KLHL15: variants seen among roughly 807,000 people sequenced by gnomAD.
KLHL15 encodes the protein kelch like family member 15, also known as kelch-like protein 15.
Under a neutral mutation model 29.3 loss-of-function variants are expected in KLHL15, and 1 was observed. The observed-to-expected ratio is 0.03, with a 90% CI of 0.01 to 0.16. KLHL15 has a LOEUF of 0.16. Among genes scored for constraint, KLHL15 ranks in the 10% least tolerant of loss-of-function variants. KLHL15 has a pLI of 1.00. For synonymous variants in KLHL15, 212 were observed against 184.5 expected, an observed-to-expected ratio of 1.15 and a Z score of -1.21; for missense variants, 215 against 478.5, an observed-to-expected ratio of 0.45 and a Z score of 5.14.
chrX:24,013,605 T>C (rs1446517374), intron 2 of KLHL15, among the ~76,000 whole-genome samples: 9 of 111,728 alleles, frequency 8.1e-5, no homozygotes, highest in Non-Finnish European at 1.7e-4. Context: ...CTTAGAATTT[T>C]CCTACATACA....
chrX:24,010,762 C>A (rs916580108), intron 2 of KLHL15, among the ~76,000 whole-genome samples: 1 of 111,314 alleles, frequency 9.0e-6, no homozygotes, highest in Admixed American at 9.6e-5. Flanking sequence ...GGACCCCGAG[C>A]CCTCCAGAGA....
intron 3 of KLHL15, among the ~76,000 whole-genome samples, chrX:24,000,637 T>C (rs1929294680): frequency 8.9e-6 from 1 of 112,369 alleles, no homozygotes; most frequent in Admixed American, 9.5e-5. Context: ...GCTGAAGTCA[T>C]TAGATATAAA....
At chrX:24,002,666 T>C (rs1929353485) in intron 3 of KLHL15, among the ~76,000 whole-genome samples, 1 of 108,511 alleles carries the variant, frequency 9.2e-6, no homozygotes, top group Non-Finnish European at 1.9e-5. Context: ...CTCACTTTTA[T>C]CGCCCAGCTG....
chrX:23,991,585 T>C (rs1198937670), intron 3 of KLHL15, among the ~76,000 whole-genome samples: 2 of 111,647 alleles, frequency 1.8e-5, no homozygotes, highest in East Asian at 2.8e-4. Context: ...CTCATGCCTG[T>C]GATCCCAGCA....
intron 3 of KLHL15, among the ~76,000 whole-genome samples, chrX:23,990,742 C>G (rs1016310243): frequency 1.8e-5 from 2 of 110,306 alleles, no homozygotes; most frequent in African/African-American, 6.6e-5. Context: ...GAAGTCAAAA[C>G]CAGGTGTATA....
chrX:24,012,366 T>C (rs1320023299), intron 2 of KLHL15, among the ~76,000 whole-genome samples: 2 of 111,554 alleles, frequency 1.8e-5, no homozygotes, highest in East Asian at 5.6e-4. Context: ...GTAGCATAAA[T>C]TATGCTCAGC....
At chrX:24,016,566 T>C (rs1217588100) in intron 2 of KLHL15, among the ~76,000 whole-genome samples, 1 of 104,749 alleles carries the variant, frequency 9.5e-6, no homozygotes, top group Non-Finnish European at 2.0e-5. Flanking sequence ...AGTCGGGAGG[T>C]TGAGGTGGGA....
intron 2 of KLHL15, among the ~76,000 whole-genome samples, chrX:24,023,584 G>A (rs1929857392): frequency 9.0e-6 from 1 of 111,660 alleles, no homozygotes; most frequent in African/African-American, 3.3e-5. Context: ...TTTTTGATAT[G>A]CCAAGTAAAA....
At chrX:23,997,114 A>G (rs1032668466) in intron 3 of KLHL15, among the ~76,000 whole-genome samples, 7 of 99,412 alleles carry the variant, frequency 7.0e-5, no homozygotes, top group Non-Finnish European at 1.4e-4. Context: ...CAGGGTAAAT[A>G]GGGGTGAGGG....
chrX:23,999,561 G>C (rs1929266422), intron 3 of KLHL15, among the ~76,000 whole-genome samples: 1 of 98,342 alleles, frequency 1.0e-5, no homozygotes, highest in South Asian at 5.1e-4. Context: ...CGCCACTGCA[G>C]TCCTGCCTGG....
intron 2 of KLHL15, among the ~76,000 whole-genome samples, chrX:24,008,877 AAAAAAACAAAAC>A (rs1929511380): frequency 9.7e-6 from 1 of 102,649 alleles, no homozygotes; most frequent in African/African-American, 3.4e-5. Context: ...GTTAGAAAAA[AAAAAAACAAAAC>A]AAAAAAAAAA....
intron 2 of KLHL15, among the ~76,000 whole-genome samples, chrX:24,021,293 C>T (rs772336977): frequency 9.9e-5 from 11 of 111,050 alleles, no homozygotes; most frequent in Non-Finnish European, 1.9e-4. Flanking sequence ...CCTCTCTACA[C>T]CCTGTTCCCT....
rs758785312 is a variant in KLHL15, at chrX:24,016,086, C to T, written c.-8+8771G>A. On this transcript the variant is annotated intron_variant, in intron 2 of 3. Transcript: ENST00000328046. Reference sequence around the variant, plus strand: ...ACTTCAGGCCAGGCACGGTGACTCACGCTTGTAATCTCAGCACTTTGGGAG... The same window carrying T: ...ACTTCAGGCCAGGCACGGTGACTCATGCTTGTAATCTCAGCACTTTGGGAG... 6.4e-5 allele frequency among the ~76,000 whole-genome samples: 7 copies of T among 108,740 alleles called. No homozygotes were observed. The East Asian group carries it at 1.7e-3, about 27-fold the overall frequency. 94.4% of individuals were successfully genotyped at this position (108,740 alleles called of 115,157 possible).
rs531099917 is a variant in KLHL15 at position 24,017,779 on chromosome X, C to CAA, written c.-8+7076_-8+7077dup. ...TGGGCAACAGAGTGAGACCATGTCC[C>CAA]AAAAAAAAAAAAAAAAAAAAAAAAA... On this transcript the variant is annotated intron_variant, in intron 2 of 3. Transcript: ENST00000328046. Among the ~76,000 whole-genome samples, 222 of 42,467 alleles carry CAA rather than the reference C, an allele frequency of 5.2e-3. 2 individuals are homozygous for CAA. Among genetic ancestry groups the CAA allele is most frequent in the Non-Finnish European group, 7.4e-3 (168 of 22,681 alleles). 36.9% of individuals were successfully genotyped at this position (42,467 alleles called of 115,157 possible).
chrX:23,990,124 C>A (rs1929051793), intron 3 of KLHL15, among the ~76,000 whole-genome samples: 1 of 110,337 alleles, frequency 9.1e-6, no homozygotes, highest in African/African-American at 3.3e-5. Context: ...CAAAGCAAGA[C>A]CTCATCTCTA....
At chrX:24,026,667 A>G (rs1471242561) in intron 1 of KLHL15, among the ~76,000 whole-genome samples, 1 of 108,733 alleles carries the variant, frequency 9.2e-6, no homozygotes, top group East Asian at 2.9e-4. Context: ...TTTCTAGCAA[A>G]CTTGAACATA....
At chrX:23,997,017 G>A (rs1214591143) in intron 3 of KLHL15, among the ~76,000 whole-genome samples, 6 of 111,846 alleles carry the variant, frequency 5.4e-5, no homozygotes, top group Non-Finnish European at 1.9e-5. Context: ...ATAAATCGTA[G>A]TAAGAATTTA....
chrX:24,000,831 G>C (rs754704346), intron 3 of KLHL15, among the ~76,000 whole-genome samples: 1 of 112,431 alleles, frequency 8.9e-6, no homozygotes, highest in East Asian at 2.8e-4. Flanking sequence ...GCTTTGCCCA[G>C]GCAATTTCAT....
At chrX:23,994,225 G>C (rs193199402) in intron 3 of KLHL15, among the ~76,000 whole-genome samples, 1 of 111,653 alleles carries the variant, frequency 9.0e-6, no homozygotes, top group African/African-American at 3.3e-5. Context: ...GGTGAGGAAT[G>C]TTTCAACACA....
Sources: allele counts gnomAD v4.1 joint callset (sites outside exome capture counted in the v4.1 genomes callset), GRCh38; gene constraint gnomAD v4.1.1; transcripts MANE v1.5; gene names NCBI Gene and HGNC (gene_info 2026-07-23, HGNC 2026-07-21).